FASN: variants seen among roughly 807,000 people sequenced by gnomAD.
FASN encodes the protein 3-hydroxyacyl-[acyl-carrier-protein] dehydratase.
A neutral mutation model predicts 250.0 loss-of-function variants in FASN; 50 were observed. The ratio of observed to expected loss-of-function variants is 0.20; its 90% CI spans 0.16 to 0.25. The LOEUF is 0.25. FASN is among the 10% of genes least tolerant of loss of function. The probability of loss-of-function intolerance (pLI) is 1.00; values close to 1 mark genes in which losing one functional copy is unlikely to be tolerated. For synonymous variants in FASN, 1,909 were observed against 1,584.0 expected (o/e 1.21, Z -4.87); for missense variants, 3,031 against 3,498.5 (o/e 0.87, Z 3.37).
intron 6 of FASN, 39 bp downstream of exon 6, chr17:82,092,858 A>C: frequency 3.8e-6 from 6 of 1,587,730 alleles, no homozygotes; most frequent in Non-Finnish European, 4.3e-6. Context: ...CCCGGCTCCC[A>C]CCTGCCCCCC....
chr17:82,085,766 G>T lies in FASN; in HGVS notation c.3838C>A (p.Leu1280Met). The T allele has an allele frequency of 6.4e-7, 1 of 1,564,604 alleles. No individual in the cohort carries two copies. Among genetic ancestry groups the T allele is most frequent in the East Asian group, 2.4e-5 (1 of 42,204 alleles). The change falls in exon 23 of 43, where the codon CTG becomes ATG. Residue 1280 changes from leucine (L) to methionine (M), a missense_variant. Leu to Met is a conservative substitution (Grantham distance 15). Transcript: ENST00000306749. ...TGCAGCTCGGCCTGGGCAGCCTCCA[G>T]GGCCTGGGGGTGGCGGTCGGTGGCC... ...YTATDRHPQA[L>M]EAAQAELQQH...
In FASN at chr17:82,079,014, G is replaced by C; in HGVS notation, c.*129C>G. ...CCTAACACCTACATCTAGCAGCCTC[G>C]GGGGGCAGTGGCACTGGGCCGGACA... On this transcript the variant is annotated 3_prime_UTR_variant, in exon 43 of 43. Coordinates refer to ENST00000306749, the MANE Select transcript of FASN (RefSeq NM_004104.5). 9.0e-7 allele frequency: 1 copy of C among 1,116,620 alleles called. No homozygotes were observed. The highest frequency in any genetic ancestry group is 1.3e-6 in the Non-Finnish European group (1 of 778,304). 69.2% of individuals were successfully genotyped at this position (1,116,620 alleles called of 1,614,324 possible).
chr17:82,083,627 A>G lies in FASN; in HGVS notation c.5231T>C (p.Val1744Ala). Residue 1744 changes from valine (V) to alanine (A), a missense_variant, in exon 31 of 43, where the codon GTC becomes GCC. Val to Ala is a moderately conservative substitution (Grantham distance 64). Coordinates refer to ENST00000306749, the MANE Select transcript of FASN (RefSeq NM_004104.5). ...CTTCTCTTCCGCCAAGGAGTTCAAG[A>G]CCAGGTCAACGCCTAGGGGGCCAGA... ...WHTGGKGVDL[V>A]LNSLAEEKLQ... The G allele has an allele frequency of 6.2e-7, 1 of 1,609,352 alleles. No homozygotes were observed. Among genetic ancestry groups the G allele is most frequent in the East Asian group, 2.2e-5 (1 of 44,774 alleles).
Position 82,096,425 on chromosome 17 carries a change from G to A in FASN, c.21C>T (p.Ala7=), listed in dbSNP as rs138008907. 1.1e-4 allele frequency: 176 copies of A among 1,612,358 alleles called. 1 individual carries two copies. The highest frequency in any genetic ancestry group is 2.8e-4 in the Admixed American group (17 of 60,014). The stretch of plus-strand genomic sequence containing the variant: ...ACTCTGGCAGCTTCCCGGACATGCC[G>A]GCAATCACCACCTCCTCCATGGCTG... The part of the protein sequence containing the change: MEEVVI[A]GMSGKLPESE... Residue 7 remains alanine, a synonymous_variant, in exon 2 of 43, where the codon GCC becomes GCT. Transcript: ENST00000306749.
At chr17:82,094,789 AAAAT>A (rs1240429174) in intron 3 of FASN, among the ~76,000 whole-genome samples, 1 of 151,732 alleles carries the variant, frequency 6.6e-6, no homozygotes, top group African/African-American at 2.4e-5. Context: ...CTCCGTCTTA[AAAAT>A]AAATAAATAA....
intron 3 of FASN, chr17:82,094,112 A>G (rs1245619223): frequency 2.4e-6 from 1 of 416,944 alleles, no homozygotes; most frequent in East Asian, 5.2e-5. Flanking sequence ...TCCCCAGGCG[A>G]CGCCTTTGGC....
intron 1 of FASN, chr17:82,096,727 C>T (rs993461280): frequency 4.1e-6 from 2 of 491,590 alleles, no homozygotes; most frequent in African/African-American, 3.9e-5. Context: ...CACTGGAGCC[C>T]TGCAGCCCTG....
At chr17:82,079,984 A>T in intron 41 of FASN, 156 bp downstream of exon 41, 1 of 838,048 alleles carries the variant, frequency 1.2e-6, no homozygotes, top group Non-Finnish European at 1.9e-6. Flanking sequence ...CCGGGATTAC[A>T]GGCATGAGCA....
Position 82,085,869 on chromosome 17 carries a change from C to A in FASN, c.3735G>T (p.Val1245=). Residue 1245 remains valine (V), a splice_region_variant and synonymous_variant, in exon 23 of 43, where the codon GTG becomes GTT. Coordinates refer to ENST00000306749, the MANE Select transcript of FASN (RefSeq NM_004104.5). ...AATACAGGTGACCGTGGCCAGCCAG[C>A]ACCTGTAGGGGGTGAATTCTGGAAT... ...MPSLKMKVVE[V]LAGHGHLYSR... 6.5e-7 allele frequency: 1 copy of A among 1,535,246 alleles called. No homozygotes were observed. Among genetic ancestry groups the A allele is most frequent in the Admixed American group, 1.9e-5 (1 of 52,290 alleles).
Position 82,089,223 on chromosome 17 carries a change from C to T in FASN, c.2100+27G>A, listed in dbSNP as rs768207425. 23 of 1,610,630 alleles carry T rather than the reference C, an allele frequency of 1.4e-5. 1 individual carries two copies. The highest frequency in any genetic ancestry group is 6.7e-5 in the Admixed American group (4 of 59,830). ...GGGTTGTGGGTCCCCTGGCCCGCCC[C>T]GCACCCCCCAGGCCGTATTAGTCCA... On this transcript the variant is annotated intron_variant, in intron 13 of 42. Transcript: ENST00000306749.
chr17:82,092,431 A>G, intron 8 of FASN, 24 bp downstream of exon 8: 1 of 1,554,608 alleles, frequency 6.4e-7, no homozygotes. Context: ...AGCCTGAGGG[A>G]CCCCCAAGCC....
rs2034064379 is a variant in FASN, at chr17:82,084,971, G to C, written c.4410-18C>G. 2 of 1,567,210 alleles carry C rather than the reference G, an allele frequency of 1.3e-6. No homozygotes were observed. The highest frequency in any genetic ancestry group is 1.7e-6 in the Non-Finnish European group (2 of 1,155,930). ...GCACACACCTGGGGGCAGAGGCGGG[G>C]AGCTCAGGCTGGGGATGGGGAGGCT... On this transcript the variant is annotated intron_variant, in intron 25 of 42. Coordinates refer to ENST00000306749, the MANE Select transcript of FASN (RefSeq NM_004104.5).
chr17:82,089,538 C>T (rs1261903268), intron 12 of FASN, 94 bp downstream of exon 12: 4 of 1,545,104 alleles, frequency 2.6e-6, no homozygotes, highest in African/African-American at 1.4e-5. Context: ...CCCGTCAGAG[C>T]TTGGTGGGGC....
At position 82,089,276 on chromosome 17, in the gene FASN, G is replaced by A; in HGVS notation, c.2074C>T (p.Pro692Ser). The A allele has an allele frequency of 4.3e-6, 7 of 1,612,700 alleles. No individual in the cohort carries two copies. The highest frequency in any genetic ancestry group is 5.9e-6 in the Non-Finnish European group (7 of 1,179,944). The change falls in exon 13 of 43, where the codon CCC becomes TCC. Residue 692 changes from proline (P) to serine (S), a missense_variant. Pro to Ser is a moderately conservative substitution (Grantham distance 74). Coordinates refer to ENST00000306749, the MANE Select transcript of FASN (RefSeq NM_004104.5). Reference protein sequence around the residue: ...FHSYFMEAIAPPLLQELKKVI... With the variant: ...FHSYFMEAIASPLLQELKKVI... ...TTCTTGAGCTCCTGCAGCAGTGGGGGTGCGATGGCCTCCATGAAGTAGGAG... is the reference window on the plus strand; with the variant it reads ...TTCTTGAGCTCCTGCAGCAGTGGGGATGCGATGGCCTCCATGAAGTAGGAG...
intron 19 of FASN, 33 bp downstream of exon 19, chr17:82,087,652 G>A (rs770381752): frequency 1.6e-5 from 26 of 1,607,980 alleles, no homozygotes; most frequent in Admixed American, 3.3e-5. Context: ...CGCCCTCCCC[G>A]GTGGCTTGGG....
rs372701595 is a variant in FASN, at chr17:82,084,592, G to A, written c.4689C>T (p.Leu1563=). The A allele has an allele frequency of 6.2e-7, 1 of 1,610,560 alleles. No individual in the cohort carries two copies. Among genetic ancestry groups the A allele is most frequent in the Non-Finnish European group, 8.5e-7 (1 of 1,179,102 alleles). The change falls in exon 27 of 43, where the codon CTC becomes CTT. Residue 1563 remains leucine (L), a synonymous_variant. Coordinates refer to ENST00000306749, the MANE Select transcript of FASN (RefSeq NM_004104.5). ...HAQPTCPGAQ[L]CTVYYASLNF... Reference sequence around the variant, plus strand: ...TGAGGGAGGCGTAGTAGACCGTGCAGAGCTGGGCGCCAGGGCAGGTGGGCT... The same window carrying A: ...TGAGGGAGGCGTAGTAGACCGTGCAAAGCTGGGCGCCAGGGCAGGTGGGCT...
chr17:82,088,239 C>T lies in FASN; in HGVS notation c.2662G>A (p.Ala888Thr), dbSNP rs763888232. The T allele has an allele frequency of 4.3e-6, 7 of 1,609,464 alleles. No homozygotes were observed. The highest frequency in any genetic ancestry group is 3.3e-5 in the Admixed American group (2 of 60,004). ...HTLDGRVLFP[A>T]TGYLSIVWKT... ...CACACTATGCTCAGGTAGCCAGTGG[C>T]GGGGAAGAGGACGCGACCGTCGAGG... The change falls in exon 17 of 43, where the codon GCC becomes ACC. Residue 888 changes from alanine (A) to threonine (T), a missense_variant. Coordinates refer to ENST00000306749, the MANE Select transcript of FASN (RefSeq NM_004104.5).
rs755751259 is a variant in FASN at position 82,088,735 on chromosome 17, G to A, written c.2420+26C>T. 8 of 1,596,972 alleles carry A rather than the reference G, an allele frequency of 5.0e-6. No individual in the cohort carries two copies. In the South Asian group the frequency reaches 5.5e-5, roughly 11 times the overall value. ...CACGCCGTCCCCGACTCCGGGAGACGAGACCCGGGCTGGGAAGGGACCCAC... is the reference window on the plus strand; with the variant it reads ...CACGCCGTCCCCGACTCCGGGAGACAAGACCCGGGCTGGGAAGGGACCCAC... On this transcript the variant is annotated intron_variant, in intron 15 of 42. Transcript: ENST00000306749.
At chr17:82,086,941 C>G (rs1046093416) in intron 21 of FASN, 109 bp downstream of exon 21, 6 of 1,268,784 alleles carry the variant, frequency 4.7e-6, no homozygotes, top group Non-Finnish European at 5.6e-6. Flanking sequence ...GCTAGGGTTG[C>G]TGACCCCAAA....
Sources: gnomAD v4.1 joint callset for allele counts (sites outside exome capture counted in the v4.1 genomes callset) on GRCh38, gnomAD v4.1.1 for gene constraint, MANE v1.5 for transcripts, NCBI Gene and HGNC (gene_info 2026-07-23, HGNC 2026-07-21) for gene names.